The following SHQ1 variants were observed in gnomAD, a reference collection of about 807,000 sequenced individuals.
The protein encoded by SHQ1 is SHQ1, H/ACA ribonucleoprotein assembly factor, also known as protein SHQ1 homolog.
Under a neutral mutation model 53.8 loss-of-function variants are expected in SHQ1, and 49 were observed. That is an observed-to-expected ratio of 0.91 (90% confidence interval 0.72 to 1.16). SHQ1 has a LOEUF of 1.16. Ranked by LOEUF, SHQ1 falls within the 50% of genes most tolerant of loss-of-function variation. The probability of loss-of-function intolerance (pLI) is 0.00; values close to 1 mark genes in which losing one functional copy is unlikely to be tolerated. For missense variants in SHQ1, 738 were observed against 683.1 expected (o/e 1.08, Z -0.90); for synonymous variants, 243 against 251.0 (o/e 0.97, Z 0.30).
intron 6 of SHQ1, 59 bp from the exon 7 acceptor site, chr3:72,817,443 G>A: frequency 7.5e-6 from 11 of 1,458,590 alleles, no homozygotes; most frequent in Admixed American, 4.4e-5. Context: ...AACTCCCAAT[G>A]GAAGATTTGT....
At chr3:72,812,911 G>T in intron 8 of SHQ1, 117 bp from the exon 9 acceptor site, 1 of 1,077,770 alleles carries the variant, frequency 9.3e-7, no homozygotes, top group Non-Finnish European at 1.3e-6. Context: ...TCATTGTGAA[G>T]CCAAGTAGAA....
chr3:72,824,968 A>G (rs1707604557), intron 5 of SHQ1, among the ~76,000 whole-genome samples: 1 of 151,880 alleles, frequency 6.6e-6, no homozygotes, highest in Non-Finnish European at 1.5e-5. Flanking sequence ...TGCCTGGCTA[A>G]TTTCTATTTT....
rs1265028259 is a variant in SHQ1, at chr3:72,750,792, G to C, written c.1226C>G (p.Ser409Cys). ...AALAEALKEV[S>C]LTKAQLGLEL... ...TAACCCCAGCTGGGCCTTTGTAAGG[G>C]AGACTTCCTTTAAGGCTTCTGCAAG... Residue 409 changes from serine (S) to cysteine (C), a missense_variant, in exon 11 of 11, where the codon TCC (serine) becomes TGC (cysteine). Transcript: ENST00000325599. The C allele has an allele frequency of 7.1e-6, 11 of 1,547,508 alleles. No homozygotes were observed. In the East Asian group the frequency reaches 2.4e-4, roughly 34 times the overall value.
chr3:72,802,341 C>T (rs1706814110), intron 9 of SHQ1, among the ~76,000 whole-genome samples: 1 of 152,194 alleles, frequency 6.6e-6, no homozygotes, highest in South Asian at 2.1e-4. Flanking sequence ...GCCCACTAAC[C>T]TCACCCTTCT....
chr3:72,823,107 C>T (rs1707531485), intron 6 of SHQ1, among the ~76,000 whole-genome samples: 1 of 149,530 alleles, frequency 6.7e-6, no homozygotes, highest in Admixed American at 6.7e-5. Context: ...CGACATTGTG[C>T]CACTGCACTC....
chr3:72,814,911 C>T (rs999848039), intron 8 of SHQ1, among the ~76,000 whole-genome samples: 14 of 152,072 alleles, frequency 9.2e-5, no homozygotes, highest in African/African-American at 3.4e-4. Flanking sequence ...CACAGACATA[C>T]TGAGAATAGG....
At chr3:72,760,106 T>C (rs1015231100) in intron 10 of SHQ1, among the ~76,000 whole-genome samples, 3 of 152,246 alleles carry the variant, frequency 2.0e-5, no homozygotes, top group Non-Finnish European at 4.4e-5. Flanking sequence ...TTGTTTACTA[T>C]GGTGAGTGGT....
At chr3:72,816,256 T>TA (rs1383114079) in intron 7 of SHQ1, among the ~76,000 whole-genome samples, 1 of 152,026 alleles carries the variant, frequency 6.6e-6, no homozygotes, top group Admixed American at 6.6e-5. Flanking sequence ...GGACCTAAGG[T>TA]AAATACACAC....
chr3:72,755,274 A>AGATGGATGGATG (rs879644608), intron 10 of SHQ1, among the ~76,000 whole-genome samples: 21 of 150,354 alleles, frequency 1.4e-4, no homozygotes, highest in African/African-American at 4.5e-4. Flanking sequence ...ATAGATGGAT[A>AGATGGATGGATG]GATGGATGGA....
intron 9 of SHQ1, among the ~76,000 whole-genome samples, chr3:72,804,017 A>C (rs572797027): frequency 6.6e-6 from 1 of 152,188 alleles, no homozygotes; most frequent in African/African-American, 2.4e-5. Context: ...CCTGGGCTCA[A>C]GCAATCCTCC....
intron 10 of SHQ1, among the ~76,000 whole-genome samples, chr3:72,771,334 T>C (rs944643855): frequency 2.6e-5 from 4 of 152,222 alleles, no homozygotes; most frequent in Non-Finnish European, 5.9e-5. Context: ...AGGTGACAGA[T>C]TCCAGTTCCA....
chr3:72,726,251 G>A, the SHQ1 span, among the ~76,000 whole-genome samples: 1 of 152,230 alleles, frequency 6.6e-6, no homozygotes, highest in South Asian at 2.1e-4. Flanking sequence ...GCCTGGGCCT[G>A]TGACCTCTCA....
the SHQ1 span, among the ~76,000 whole-genome samples, chr3:72,738,227 G>A: frequency 1.2e-4 from 18 of 152,200 alleles, no homozygotes; most frequent in African/African-American, 4.3e-4. Flanking sequence ...CCTGGGAAAA[G>A]CCTGAGCTCT....
At chr3:72,815,580 G>A (rs993241262) in intron 7 of SHQ1, among the ~76,000 whole-genome samples, 177 bp from the exon 8 acceptor site, 1 of 152,186 alleles carries the variant, frequency 6.6e-6, no homozygotes, top group African/African-American at 2.4e-5. Flanking sequence ...CCAGTGGGAA[G>A]TTTCTGTTTA....
Position 72,753,149 on chromosome 3 carries a change from GAAGA to G in SHQ1, c.1182-2317_1182-2314del, listed in dbSNP as rs542586227. On this transcript the variant is annotated intron_variant, in intron 10 of 10. Coordinates refer to ENST00000325599, the MANE Select transcript of SHQ1 (RefSeq NM_018130.3). The stretch of plus-strand genomic sequence containing the variant: ...TAAGGGGAAATCTGATGTGACAACT[GAAGA>G]AAGGTGACAGTGAGTGAAAGTGGTA... 589 of 985,434 alleles carry G rather than the reference GAAGA, an allele frequency of 6.0e-4. 4 individuals carry two copies. In the African/African-American group the frequency reaches 9.6e-3, roughly 16 times the overall value. The allele number at this position is 985,434 out of a possible 1,614,324, so 61.0% of individuals were successfully genotyped here.
intron 10 of SHQ1, among the ~76,000 whole-genome samples, chr3:72,779,366 C>A (rs183005322): frequency 6.6e-6 from 1 of 152,204 alleles, no homozygotes; most frequent in South Asian, 2.1e-4. Flanking sequence ...AGTACTCAAA[C>A]CAAACATTTC....
In SHQ1 at chr3:72,751,490, G is replaced by A. The variant is rs1406233335; in HGVS notation, c.1182-654C>T. Among the ~76,000 whole-genome samples the A allele has an allele frequency of 7.0e-5, 7 of 100,124 alleles. No homozygotes were observed. The South Asian group carries it at 1.3e-3, about 18-fold the overall frequency. 65.7% of individuals were successfully genotyped at this position (100,124 alleles called of 152,430 possible). A position where few individuals can be genotyped will look rare whatever the true frequency, so the allele number is the denominator to read the frequency against. On this transcript the variant is annotated intron_variant, in intron 10 of 10. Coordinates refer to ENST00000325599, the MANE Select transcript of SHQ1 (RefSeq NM_018130.3). ...AATAAGCACATATGTGTGTGTGTGT[G>A]TGTGTGTGTGTGTGTGTGTATATAT...
At chr3:72,795,812 T>G (rs1034867002) in intron 9 of SHQ1, among the ~76,000 whole-genome samples, 1 of 152,074 alleles carries the variant, frequency 6.6e-6, no homozygotes, top group African/African-American at 2.4e-5. Flanking sequence ...TAACAGAAAA[T>G]GCAGGATTGG....
intron 10 of SHQ1, among the ~76,000 whole-genome samples, chr3:72,758,100 AATGCACTGGCTTTAAGTAGAAGTTGC>A (rs1705535806): frequency 6.6e-6 from 1 of 152,208 alleles, no homozygotes; most frequent in African/African-American, 2.4e-5. Context: ...ATCTAAAGGT[AATGCACTGGCTTTAAGTAGAAGTTGC>A]TGGTGAAATT....
Sources: gnomAD v4.1 joint callset for allele counts (sites outside exome capture counted in the v4.1 genomes callset) on GRCh38, gnomAD v4.1.1 for gene constraint, MANE v1.5 for transcripts, NCBI Gene and HGNC (gene_info 2026-07-23, HGNC 2026-07-21) for gene names.